SEMA3A: variants seen among roughly 807,000 people sequenced by gnomAD.
SEMA3A encodes semaphorin-3A.
A neutral mutation model predicts 97.9 loss-of-function variants in SEMA3A; 29 were observed. The ratio of observed to expected loss-of-function variants is 0.30; its 90% CI spans 0.22 to 0.40. SEMA3A has a LOEUF of 0.40. Ranked by LOEUF, SEMA3A falls within the 10% of genes least tolerant of loss-of-function variation. The pLI, the probability that SEMA3A is intolerant of heterozygous loss-of-function variation, is 1.00. For synonymous variants in SEMA3A, 321 were observed against 323.7 expected (o/e 0.99, Z 0.09); for missense variants, 763 against 951.3 (o/e 0.80, Z 2.60).
At chr7:84,063,251 C>G (rs897744248) in intron 4 of SEMA3A, among the ~76,000 whole-genome samples, 6 of 150,630 alleles carry the variant, frequency 4.0e-5, no homozygotes, top group African/African-American at 9.7e-5. Flanking sequence ...AGGACATCCA[C>G]ACCAAAAACC....
At chr7:84,472,904 C>T (rs188108086) in intron 1 of SEMA3A, among the ~76,000 whole-genome samples, 20 of 152,210 alleles carry the variant, frequency 1.3e-4, no homozygotes, top group Middle Eastern at 6.8e-3. Flanking sequence ...TTAACAACAG[C>T]TTTTAATACT....
chr7:84,027,207 C>T (rs1791579942), intron 6 of SEMA3A, among the ~76,000 whole-genome samples: 3 of 152,158 alleles, frequency 2.0e-5, no homozygotes, highest in Admixed American at 1.3e-4. Context: ...TACCTAGTCC[C>T]TGGATATACC....
Position 84,234,070 on chromosome 7 carries a change from A to G in SEMA3A, c.-82-39402T>C, listed in dbSNP as rs17158766. Reference sequence around the variant, plus strand: ...TATAATGAAAACCATAATACAATAAAAGATGTCAATAGGAACCTGCATAAA... The same window carrying G: ...TATAATGAAAACCATAATACAATAAGAGATGTCAATAGGAACCTGCATAAA... On this transcript the variant is annotated intron_variant, in intron 3 of 3. Coordinates refer to the SEMA3A transcript ENST00000424555. Among the ~76,000 whole-genome samples the G allele has an allele frequency of 0.013, 1,944 of 152,114 alleles. 64 individuals are homozygous for G. The East Asian group carries it at 0.15, about 11-fold the overall frequency.
Position 84,030,861 on chromosome 7 carries a change from T to C in SEMA3A, c.667+15463A>G, listed in dbSNP as rs557318699. On this transcript the variant is annotated intron_variant, in intron 6 of 16. Transcript: ENST00000265362. ...ACACTGTACTTGGAAAAGCACATAT[T>C]TCATTTTAAATATTAAGTTAATGAA... Among the ~76,000 whole-genome samples the C allele has an allele frequency of 3.0e-4, 45 of 152,286 alleles. 1 individual carries two copies. The South Asian group carries it at 9.3e-3, about 32-fold the overall frequency.
chr7:84,395,139 A>G (rs1803690338), intron 1 of SEMA3A, among the ~76,000 whole-genome samples: 2 of 152,116 alleles, frequency 1.3e-5, no homozygotes, highest in African/African-American at 4.8e-5. Flanking sequence ...TTCTTATGTC[A>G]CTAGTATTGT....
At chr7:84,201,266 C>G (rs551153557) in intron 3 of SEMA3A, among the ~76,000 whole-genome samples, 1 of 152,040 alleles carries the variant, frequency 6.6e-6, no homozygotes, top group South Asian at 2.1e-4. Flanking sequence ...GAGCTTGAAG[C>G]TGGTAAGAAT....
At position 84,376,467 on chromosome 7, in the gene SEMA3A, G is replaced by A. The variant is rs538700402; in HGVS notation, c.-245-4567C>T. On this transcript the variant is annotated intron_variant, in intron 1 of 3. Transcript: ENST00000424555. ...AAACACAAAAAAATTAGCCGGGCGT[G>A]GTGGCGGGCGCCTGTAGTCCCAGCT... 1.1e-3 allele frequency among the ~76,000 whole-genome samples: 158 copies of A among 142,646 alleles called. 14 individuals are homozygous for A. Among genetic ancestry groups the A allele is most frequent in the South Asian group, 1.6e-3 (7 of 4,292 alleles). 93.6% of individuals were successfully genotyped at this position (142,646 alleles called of 152,430 possible). A position where few individuals can be genotyped will look rare whatever the true frequency, so the allele number is the denominator to read the frequency against.
chr7:84,209,282 A>AATCACTCC (rs1798569075), intron 3 of SEMA3A, among the ~76,000 whole-genome samples: 1 of 152,174 alleles, frequency 6.6e-6, no homozygotes, highest in African/African-American at 2.4e-5. Flanking sequence ...TCTATCATTT[A>AATCACTCC]ATCACTCCAT....
intron 1 of SEMA3A, among the ~76,000 whole-genome samples, chr7:84,153,198 C>G (rs1460932228): frequency 6.6e-6 from 1 of 152,062 alleles, no homozygotes; most frequent in South Asian, 2.1e-4. Context: ...AGTGATATTG[C>G]TATGAAAGTC....
chr7:84,079,504 A>G (rs1218141024), intron 4 of SEMA3A, among the ~76,000 whole-genome samples: 1 of 151,954 alleles, frequency 6.6e-6, no homozygotes, highest in Non-Finnish European at 1.5e-5. Context: ...ACAAATTTAC[A>G]AGAAAAAAAC....
intron 1 of SEMA3A, among the ~76,000 whole-genome samples, chr7:84,412,871 G>A (rs1804308347): frequency 6.6e-6 from 1 of 152,024 alleles, no homozygotes; most frequent in African/African-American, 2.4e-5. Flanking sequence ...TACAAAGCTG[G>A]TATAAATTTG....
At chr7:84,215,430 CG>C (rs1364151061) in intron 3 of SEMA3A, among the ~76,000 whole-genome samples, 48 of 76,026 alleles carry the variant, frequency 6.3e-4, no homozygotes, top group Admixed American at 6.1e-4. Context: ...TTAGATGATC[CG>C]CCCCCCCCTT....
intron 12 of SEMA3A, among the ~76,000 whole-genome samples, chr7:83,997,744 CTT>C (rs745309176): frequency 1.5e-4 from 21 of 142,754 alleles, no homozygotes; most frequent in Admixed American, 2.1e-4. Flanking sequence ...TGAAATTTTT[CTT>C]TTTTTTTTTT....
intron 4 of SEMA3A, among the ~76,000 whole-genome samples, chr7:84,065,755 G>T (rs964016639): frequency 2.0e-5 from 3 of 151,986 alleles, no homozygotes; most frequent in South Asian, 2.1e-4. Flanking sequence ...CAATAACAGG[G>T]TCTGAAATTG....
At chr7:84,374,375 TAAGTC>T (rs1318886109) in intron 1 of SEMA3A, among the ~76,000 whole-genome samples, 1 of 152,220 alleles carries the variant, frequency 6.6e-6, no homozygotes, top group Non-Finnish European at 1.5e-5. Flanking sequence ...AAAATATATT[TAAGTC>T]AATTATTGAA....
chr7:84,061,069 C>T (rs1273287429), intron 4 of SEMA3A, among the ~76,000 whole-genome samples: 2 of 152,150 alleles, frequency 1.3e-5, no homozygotes, highest in Non-Finnish European at 2.9e-5. Context: ...GTCCTTTGCA[C>T]ATCTTTGGTG....
At chr7:84,279,962 A>AT (rs1484283728) in intron 3 of SEMA3A, among the ~76,000 whole-genome samples, 163 of 152,232 alleles carry the variant, frequency 1.1e-3, no homozygotes, top group Middle Eastern at 3.4e-3. Flanking sequence ...CAGTGGTGTG[A>AT]CCACATCTCA....
chr7:84,011,143 C>T, intron 8 of SEMA3A, 40 bp downstream of exon 8: 1 of 1,604,054 alleles, frequency 6.2e-7, no homozygotes, highest in East Asian at 2.2e-5. Context: ...ATGGCAAAGT[C>T]TGAACAAATA....
intron 15 of SEMA3A, among the ~76,000 whole-genome samples, chr7:83,976,925 T>A (rs984648868): frequency 3.3e-5 from 5 of 152,318 alleles, no homozygotes; most frequent in Admixed American, 3.3e-4. Flanking sequence ...GAATTTATCA[T>A]CATAATAAAA....
Sources: allele counts gnomAD v4.1 joint callset (sites outside exome capture counted in the v4.1 genomes callset), GRCh38; gene constraint gnomAD v4.1.1; transcripts MANE v1.5; gene names NCBI Gene and HGNC (gene_info 2026-07-23, HGNC 2026-07-21).